The following USP4 variants were observed in gnomAD, a reference collection of about 807,000 sequenced individuals.
The protein encoded by USP4 is ubiquitin carboxyl-terminal hydrolase 4.
Under a neutral mutation model 118.2 loss-of-function variants are expected in USP4, and 72 were observed. That is an observed-to-expected ratio of 0.61 (90% CI 0.50 to 0.74). The LOEUF (loss-of-function observed/expected upper bound fraction) is 0.74, where lower values mean the gene tolerates loss of function less well. Ranked by LOEUF, USP4 falls within the 30% of genes least tolerant of loss-of-function variation. The probability of loss-of-function intolerance (pLI) is 0.00; values close to 1 mark genes in which losing one functional copy is unlikely to be tolerated. For missense variants in USP4, 1,037 were observed against 1,185.7 expected, an observed-to-expected ratio of 0.87 and a Z score of 1.84; for synonymous variants, 415 against 440.4, an observed-to-expected ratio of 0.94 and a Z score of 0.72.
chr3:49,288,612 T>C (rs974757765), intron 15 of USP4, among the ~76,000 whole-genome samples: 2 of 151,570 alleles, frequency 1.3e-5, no homozygotes, highest in African/African-American at 2.4e-5. Flanking sequence ...GAGGCGGAGG[T>C]TGCAGTGAGC....
chr3:49,317,394 G>T, intron 6 of USP4: 1 of 1,040,244 alleles, frequency 9.6e-7, no homozygotes, highest in Non-Finnish European at 1.5e-6. Flanking sequence ...CCTGCTTCTG[G>T]CATAGCTCCT....
chr3:49,283,959 T>A, intron 19 of USP4, 28 bp downstream of exon 19: 1 of 1,612,400 alleles, frequency 6.2e-7, no homozygotes, highest in Non-Finnish European at 8.5e-7. Context: ...TTTTAAATGT[T>A]CCTAACACTG....
chr3:49,281,476 G>GTATC (rs1453045009), intron 19 of USP4, among the ~76,000 whole-genome samples: 184 of 105,964 alleles, frequency 1.7e-3, no homozygotes, highest in African/African-American at 5.9e-3. Context: ...AAAAGTATGT[G>GTATC]TATATATATA....
intron 2 of USP4, among the ~76,000 whole-genome samples, chr3:49,330,904 G>A (rs2047610424): frequency 6.6e-6 from 1 of 151,792 alleles, no homozygotes; most frequent in African/African-American, 2.4e-5. Context: ...TGTGATCCCA[G>A]CTACTCAGGA....
chr3:49,329,066 A>T (rs1235399817), intron 2 of USP4, among the ~76,000 whole-genome samples: 1 of 151,652 alleles, frequency 6.6e-6, no homozygotes, highest in African/African-American at 2.4e-5. Context: ...TAGCCCAGCT[A>T]CTTGGGAGGC....
At chr3:49,286,067 C>G (rs746934295) in intron 16 of USP4, 31 bp downstream of exon 16, 4 of 1,604,712 alleles carry the variant, frequency 2.5e-6, no homozygotes, top group Non-Finnish European at 2.6e-6. Flanking sequence ...GACCCTAAAG[C>G]CCAGCTTGAA....
intron 1 of USP4, among the ~76,000 whole-genome samples, chr3:49,337,597 T>G (rs1317081295): frequency 6.6e-6 from 1 of 151,952 alleles, no homozygotes; most frequent in African/African-American, 2.4e-5. Context: ...CCTGGCTAAT[T>G]TATTTTTTTA....
chr3:49,318,608 C>T lies in USP4; in HGVS notation c.695+6094G>A, dbSNP rs1344381818. The T allele has an allele frequency of 1.0e-5, 10 of 985,068 alleles. No individual in the cohort carries two copies. In the East Asian group the frequency reaches 1.1e-3, roughly 112 times the overall value. 61.0% of individuals were successfully genotyped at this position (985,068 alleles called of 1,614,324 possible). On this transcript the variant is annotated intron_variant, in intron 6 of 21. Coordinates refer to ENST00000265560, the MANE Select transcript of USP4 (RefSeq NM_003363.4). ...GTGGTCCTCATTAGTGAAAAAAAGA[C>T]AATTAAATATAAACAACCGGCCAGG...
At chr3:49,295,387 ACT>A (rs1342168572) in intron 13 of USP4, among the ~76,000 whole-genome samples, 4 of 151,678 alleles carry the variant, frequency 2.6e-5, no homozygotes, top group African/African-American at 4.8e-5. Context: ...TATTAGCCAA[ACT>A]CTTTTTTTCC....
chr3:49,338,174 G>A (rs1376234270), intron 1 of USP4, among the ~76,000 whole-genome samples: 1 of 151,504 alleles, frequency 6.6e-6, no homozygotes. Context: ...CAACAAATGT[G>A]AGAGGAGGTC....
chr3:49,330,989 G>C (rs913000228), intron 2 of USP4, among the ~76,000 whole-genome samples: 5 of 149,354 alleles, frequency 3.3e-5, no homozygotes, highest in African/African-American at 1.2e-4. Context: ...CTGCACTCCA[G>C]TCTGGGTGAC....
In USP4 at chr3:49,296,784, T is replaced by A. The variant is rs185284784; in HGVS notation, c.1691+1086A>T. On this transcript the variant is annotated intron_variant, in intron 13 of 21. Coordinates refer to ENST00000265560, the MANE Select transcript of USP4 (RefSeq NM_003363.4). The stretch of plus-strand genomic sequence containing the variant: ...CATAGGCCCTCTGAAAATTCCTTTG[T>A]TGGTGGTCTGCTAAGCTCCCCACAG... Among the ~76,000 whole-genome samples, 874 of 152,386 alleles carry A rather than the reference T, an allele frequency of 5.7e-3. 2 individuals are homozygous for A. The highest frequency in any genetic ancestry group is 9.5e-3 in the Non-Finnish European group (644 of 68,040).
At chr3:49,339,014 G>C (rs1012798498) in intron 1 of USP4, among the ~76,000 whole-genome samples, 1 of 152,062 alleles carries the variant, frequency 6.6e-6, no homozygotes, top group Admixed American at 6.6e-5. Flanking sequence ...GGGTGTGGTG[G>C]CGTGAGCCTG....
chr3:49,317,133 C>A (rs1007358340), intron 6 of USP4: 1 of 1,397,288 alleles, frequency 7.2e-7, no homozygotes, highest in Non-Finnish European at 1.0e-6. Context: ...TAGCCTTGGT[C>A]AGGTTCCCAG....
chr3:49,323,706 G>A lies in USP4; in HGVS notation c.695+996C>T, dbSNP rs544932417. Reference sequence around the variant, plus strand: ...AAATGACCTAGGAGCCCACTACTATGTAATGGTCACAGTCCAAGGCCTGAC... The same window carrying A: ...AAATGACCTAGGAGCCCACTACTATATAATGGTCACAGTCCAAGGCCTGAC... On this transcript the variant is annotated intron_variant, in intron 6 of 21. Coordinates refer to ENST00000265560, the MANE Select transcript of USP4 (RefSeq NM_003363.4). Among the ~76,000 whole-genome samples the A allele has an allele frequency of 9.9e-5, 15 of 152,238 alleles. No individual in the cohort carries two copies. In the South Asian group the frequency reaches 3.1e-3, roughly 32 times the overall value.
intron 4 of USP4, 107 bp from the exon 5 acceptor site, chr3:49,325,146 C>T: frequency 2.8e-6 from 4 of 1,411,048 alleles, no homozygotes; most frequent in Non-Finnish European, 3.9e-6. Context: ...CTCACAGGTG[C>T]TCTGGATCAA....
chr3:49,290,298 C>A (rs1336087816), intron 15 of USP4, among the ~76,000 whole-genome samples: 1 of 151,974 alleles, frequency 6.6e-6, no homozygotes, highest in Non-Finnish European at 1.5e-5. Flanking sequence ...CCTATAGTAC[C>A]AACTACTTGG....
At position 49,283,980 on chromosome 3, in the gene USP4, G is replaced by A. The variant is rs1377112152; in HGVS notation, c.2540+7C>T. ...ATGTTCCTAACACTGTAGTCACCAT[G>A]ACCCACCTGATTGGGAATTCTACGA... On this transcript the variant is annotated splice_region_variant and intron_variant, in intron 19 of 21. Coordinates refer to ENST00000265560, the MANE Select transcript of USP4 (RefSeq NM_003363.4). The A allele has an allele frequency of 6.2e-7, 1 of 1,614,038 alleles. No individual in the cohort carries two copies. The highest frequency in any genetic ancestry group is 8.5e-7 in the Non-Finnish European group (1 of 1,180,024).
intron 1 of USP4, among the ~76,000 whole-genome samples, chr3:49,336,165 C>CT (rs34604530): frequency 0.51 from 42,404 of 83,142 alleles, 12,209 homozygotes; most frequent in East Asian, 0.91. Flanking sequence ...CACCTGGCCT[C>CT]TTTTTTTTTT....
Sources: gnomAD v4.1 joint callset for allele counts (sites outside exome capture counted in the v4.1 genomes callset) on GRCh38, gnomAD v4.1.1 for gene constraint, MANE v1.5 for transcripts, NCBI Gene and HGNC (gene_info 2026-07-23, HGNC 2026-07-21) for gene names.